Variants in DLL4 observed in about 807,000 individuals in gnomAD.
DLL4 encodes the protein delta like canonical Notch ligand 4, also known as delta-like protein 4.
Under a neutral mutation model 73.6 loss-of-function variants are expected in DLL4, and 7 were observed. The ratio of observed to expected loss-of-function variants is 0.10; its 90% CI spans 0.05 to 0.18. The LOEUF is 0.18. Ranked by LOEUF, DLL4 falls within the 10% of genes least tolerant of loss-of-function variation. The pLI, the probability that DLL4 is intolerant of heterozygous loss-of-function variation, is 1.00. For missense variants in DLL4, 614 were observed against 929.9 expected (o/e 0.66, Z 4.42); for synonymous variants, 345 against 374.3 (o/e 0.92, Z 0.90).
In DLL4 at chr15:40,929,790, G is replaced by C; in HGVS notation, c.66+56G>C. 1.2e-6 allele frequency: 2 copies of C among 1,607,088 alleles called. No homozygotes were observed. Among genetic ancestry groups the C allele is most frequent in the Non-Finnish European group, 1.7e-6 (2 of 1,179,188 alleles). ...CTGCCGCGCTCTGGGCCTCAGCCCC[G>C]GGCACCAGCTGAGCTGACCGGTCCC... On this transcript the variant is annotated intron_variant, in intron 1 of 10. Coordinates refer to ENST00000249749, the MANE Select transcript of DLL4 (RefSeq NM_019074.4). The surrounding 1 kb of genome is among the most constrained non-coding windows in gnomAD (Gnocchi z 7.1).
In DLL4 at chr15:40,930,690, G is replaced by A; in HGVS notation, c.394+8G>A. ...GAGACGACCTGCGGCCAGGTGAGTA[G>A]CTCGCTCCGCCACCACAGGGGGGCG... On this transcript the variant is annotated splice_region_variant and intron_variant, in intron 3 of 10. Coordinates refer to ENST00000249749, the MANE Select transcript of DLL4 (RefSeq NM_019074.4). The surrounding 1 kb of genome is among the most constrained non-coding windows in gnomAD (Gnocchi z 5.7). The A allele has an allele frequency of 6.2e-7, 1 of 1,613,444 alleles. No homozygotes were observed. Among genetic ancestry groups the A allele is most frequent in the Non-Finnish European group, 8.5e-7 (1 of 1,179,658 alleles).
rs528331019 is a variant in DLL4 at position 40,931,928 on chromosome 15, C to G, written c.658+162C>G. 6.6e-5 allele frequency among the ~76,000 whole-genome samples: 10 copies of G among 152,344 alleles called. No individual in the cohort carries two copies. In the East Asian group the frequency reaches 1.9e-3, roughly 29 times the overall value. Reference sequence around the variant, plus strand: ...GTGGGCTTGACCTCAGACCTCCTGTCTCTTCCCAGTGCTCCTCCCATCATG... The same window carrying G: ...GTGGGCTTGACCTCAGACCTCCTGTGTCTTCCCAGTGCTCCTCCCATCATG... On this transcript the variant is annotated intron_variant, in intron 4 of 10. Transcript: ENST00000249749.
At chr15:40,937,709 G>A (rs77276798) in intron 10 of DLL4, among the ~76,000 whole-genome samples, 183 bp downstream of exon 10, 7 of 152,310 alleles carry the variant, frequency 4.6e-5, no homozygotes, top group Admixed American at 1.3e-4. Context: ...GAACCATGGC[G>A]GCAAGCCTGG....
chr15:40,930,664 G>C lies in DLL4; in HGVS notation c.376G>C (p.Gly126Arg). The part of the protein sequence containing the change: ...SLIIEAWHAP[G>R]DDLRPEALPP... ...CATCATCGAAGCTTGGCACGCGCCAGGAGACGACCTGCGGCCAGGTGAGTA... is the reference window on the plus strand; with the variant it reads ...CATCATCGAAGCTTGGCACGCGCCACGAGACGACCTGCGGCCAGGTGAGTA... The change falls in exon 3 of 11, where the codon GGA (glycine) becomes CGA (arginine). Residue 126 changes from glycine to arginine, a missense_variant. By Grantham distance (125) the Gly-to-Arg change is moderately radical. Coordinates refer to ENST00000249749, the MANE Select transcript of DLL4 (RefSeq NM_019074.4). This position sits in a 1 kb window ranked among gnomAD's most constrained non-coding sequence, Gnocchi z 5.7. The C allele has an allele frequency of 1.2e-6, 2 of 1,613,842 alleles. No homozygotes were observed. The highest frequency in any genetic ancestry group is 1.7e-6 in the Non-Finnish European group (2 of 1,179,878).
chr15:40,929,673 C>A lies in DLL4; in HGVS notation c.5C>A (p.Ala2Glu). The A allele has an allele frequency of 6.5e-7, 1 of 1,545,778 alleles. No individual in the cohort carries two copies. The highest frequency in any genetic ancestry group is 8.6e-7 in the Non-Finnish European group (1 of 1,156,220). The change falls in exon 1 of 11, where the codon GCG becomes GAG. Residue 2 changes from alanine (A) to glutamate (E), a missense_variant. Ala to Glu is a moderately radical substitution (Grantham distance 107, BLOSUM62 -1). Around this residue, in one of 3 missense-constraint regions of DLL4, gnomAD observed 227 missense variants for 370.8 expected, o/e 0.61. Transcript: ENST00000249749. This position sits in a 1 kb window ranked among gnomAD's most constrained non-coding sequence, Gnocchi z 7.1. ...GAGAGAGCGACGCCCGAGGGGATGG[C>A]GGCAGCGTCCCGGAGCGCCTCTGGC... The part of the protein sequence containing the change: M[A>E]AASRSASGWA...
In DLL4 at chr15:40,938,059, T is replaced by C. The variant is rs1325933294; in HGVS notation, c.*25T>C. The C allele has an allele frequency of 1.3e-6, 2 of 1,544,732 alleles. No individual in the cohort carries two copies. Among genetic ancestry groups the C allele is most frequent in the Non-Finnish European group, 8.7e-7 (1 of 1,148,674 alleles). On this transcript the variant is annotated 3_prime_UTR_variant, in exon 11 of 11. Transcript: ENST00000249749. ...AGGCAGGAGCCTACCTGGACATCCC[T>C]GCTCAGCCCCGCGGCTGGACCTTCC... is the stretch of plus-strand genomic sequence containing the variant.
chr15:40,935,222 GCCCCC>G, intron 8 of DLL4, 105 bp downstream of exon 8: 1 of 1,129,738 alleles, frequency 8.9e-7, no homozygotes, highest in Admixed American at 2.2e-5. Context: ...TGCCACTCTG[GCCCCC>G]CATCTGCTCT....
At position 40,929,789 on chromosome 15, in the gene DLL4, C is replaced by T. The variant is rs115657051; in HGVS notation, c.66+55C>T. On this transcript the variant is annotated intron_variant, in intron 1 of 10. Transcript: ENST00000249749. The surrounding 1 kb of genome is among the most constrained non-coding windows in gnomAD (Gnocchi z 7.1). ...TCTGCCGCGCTCTGGGCCTCAGCCC[C>T]GGGCACCAGCTGAGCTGACCGGTCC... 1.8e-3 allele frequency: 2,871 copies of T among 1,606,916 alleles called. 77 individuals carry two copies. The African/African-American group carries it at 0.035, about 20-fold the overall frequency.
chr15:40,936,393 G>A lies in DLL4; in HGVS notation c.1406G>A (p.Gly469Asp). The change falls in exon 9 of 11, where the codon GGC becomes GAC. Residue 469 changes from glycine to aspartate, a missense_variant. This residue lies in a region of DLL4 where 386 missense variants were observed against 541.3 expected (regional missense o/e 0.71). Transcript: ENST00000249749. The stretch of plus-strand genomic sequence containing the variant: ...GGGCTCATGTGCACCTGCCCTGCCG[G>A]CTTCTCTGGCCGACGCTGTGAGGTG... Reference protein sequence around the residue: ...ENGLMCTCPAGFSGRRCEVRT... With the variant: ...ENGLMCTCPADFSGRRCEVRT... 6.2e-7 allele frequency: 1 copy of A among 1,611,736 alleles called. No homozygotes were observed. Among genetic ancestry groups the A allele is most frequent in the Non-Finnish European group, 8.5e-7 (1 of 1,179,380 alleles).
chr15:40,932,434 G>C lies in DLL4; in HGVS notation c.837G>C (p.Leu279=), dbSNP rs1188795160. The change falls in exon 6 of 11, where the codon CTG becomes CTC. Residue 279 remains leucine (L), a synonymous_variant. Transcript: ENST00000249749. The stretch of plus-strand genomic sequence containing the variant: ...CTTGTGATGAGGGCTGGGGAGGCCT[G>C]TTTTGTGACCAAGGTGAGTCAGGGT... ...QCTCDEGWGG[L]FCDQDLNYCT... 1 of 1,613,960 alleles carries C rather than the reference G, an allele frequency of 6.2e-7. No homozygotes were observed. Among genetic ancestry groups the C allele is most frequent in the Non-Finnish European group, 8.5e-7 (1 of 1,179,886 alleles).
At chr15:40,937,939 A>G in intron 10 of DLL4, 90 bp from the exon 11 acceptor site, 2 of 1,527,216 alleles carry the variant, frequency 1.3e-6, no homozygotes, top group Admixed American at 1.9e-5. Flanking sequence ...TGCCTGCCCC[A>G]TCGCCTTCTC....
Position 40,929,730 on chromosome 15 carries a change from A to T in DLL4, c.62A>T (p.Gln21Leu), listed in dbSNP as rs769078168. The T allele has an allele frequency of 6.3e-7, 1 of 1,599,224 alleles. No homozygotes were observed. Among genetic ancestry groups the T allele is most frequent in the Non-Finnish European group, 8.5e-7 (1 of 1,177,226 alleles). ...WALLLLVALW[Q>L]QRAAGSGVFQ... is the part of the protein sequence containing the mutation. ...CTACTGCTGCTGGTGGCACTTTGGC[A>T]GCAGGTAACACGTCCCGCGCCCTCT... is the stretch of plus-strand genomic sequence containing the variant. The change falls in exon 1 of 11, where the codon CAG becomes CTG. Residue 21 changes from glutamine to leucine, a missense_variant. Around this residue, in one of 3 missense-constraint regions of DLL4, gnomAD observed 227 missense variants for 370.8 expected, o/e 0.61. Coordinates refer to ENST00000249749, the MANE Select transcript of DLL4 (RefSeq NM_019074.4). The surrounding 1 kb of genome is among the most constrained non-coding windows in gnomAD (Gnocchi z 7.1).
chr15:40,932,478 G>A, intron 6 of DLL4, 31 bp downstream of exon 6: 1 of 1,612,978 alleles, frequency 6.2e-7, no homozygotes, highest in Non-Finnish European at 8.5e-7. Context: ...GGTGCAGAGG[G>A]TGCAAGAGAT....
At position 40,929,827 on chromosome 15, in the gene DLL4, C is replaced by T. The variant is rs3212277; in HGVS notation, c.67-20C>T. ...AGCTGACCGGTCCCCTCCCTCCTTC[C>T]CTCGGTCCCTGTGCAATAGCGCGCG... On this transcript the variant is annotated intron_variant, in intron 1 of 10. Coordinates refer to ENST00000249749, the MANE Select transcript of DLL4 (RefSeq NM_019074.4). This position sits in a 1 kb window ranked among gnomAD's most constrained non-coding sequence, Gnocchi z 7.1. 21,613 of 1,609,742 alleles carry T rather than the reference C, an allele frequency of 0.013. 247 individuals are homozygous for T. Among genetic ancestry groups the T allele is most frequent in the Middle Eastern group, 0.078 (473 of 6,060 alleles).
chr15:40,936,799 C>A lies in DLL4; in HGVS notation c.1812C>A (p.Asn604Lys), dbSNP rs756906139. The A allele has an allele frequency of 2.5e-6, 4 of 1,613,772 alleles. No individual in the cohort carries two copies. Residue 604 changes from asparagine to lysine, a missense_variant, in exon 9 of 11, where the codon AAC becomes AAA. Asn to Lys is a moderately conservative substitution (Grantham distance 94, BLOSUM62 0). Coordinates refer to ENST00000249749, the MANE Select transcript of DLL4 (RefSeq NM_019074.4). ...LEVDCGLDKS[N>K]CGKQQNHTLD... Reference sequence around the variant, plus strand: ...TGGACTGTGGCCTGGACAAGTCCAACTGTGGCAAACAGCAAAACCACACAT... The same window carrying A: ...TGGACTGTGGCCTGGACAAGTCCAAATGTGGCAAACAGCAAAACCACACAT...
Position 40,929,368 on chromosome 15 carries a change from C to A in DLL4, c.-301C>A. The A allele has an allele frequency of 2.4e-6, 1 of 416,030 alleles. No individual in the cohort carries two copies. Among genetic ancestry groups the A allele is most frequent in the Middle Eastern group, 6.1e-4 (1 of 1,628 alleles). The allele number at this position is 416,030 out of a possible 1,614,324, so 25.8% of individuals were successfully genotyped here. ...AGCGGCGCTGCGCGCAGGCCGGGAA[C>A]ACGAGGCCAAGAGCCGCAGCCCCAG... is the stretch of plus-strand genomic sequence containing the variant. On this transcript the variant is annotated 5_prime_UTR_variant, in exon 1 of 11. Transcript: ENST00000249749. This position sits in a 1 kb window ranked among gnomAD's most constrained non-coding sequence, Gnocchi z 7.1.
intron 4 of DLL4, among the ~76,000 whole-genome samples, 182 bp downstream of exon 4, chr15:40,931,948 A>G (rs1440635976): frequency 1.3e-5 from 2 of 152,148 alleles, no homozygotes; most frequent in African/African-American, 4.8e-5. Context: ...TGCTCCTCCC[A>G]TCATGCCAAA....
In DLL4 at chr15:40,930,014, C is replaced by T; in HGVS notation, c.234C>T (p.Thr78=). 1 of 1,612,898 alleles carries T rather than the reference C, an allele frequency of 6.2e-7. No homozygotes were observed. The highest frequency in any genetic ancestry group is 8.5e-7 in the Non-Finnish European group (1 of 1,179,670). Residue 78 remains threonine, a synonymous_variant, in exon 2 of 11, where the codon ACC becomes ACT. Coordinates refer to ENST00000249749, the MANE Select transcript of DLL4 (RefSeq NM_019074.4). The surrounding 1 kb of genome is among the most constrained non-coding windows in gnomAD (Gnocchi z 5.7). The part of the protein sequence containing the change: ...VVSPGPCTFG[T]VSTPVLGTNS... ...CGCCCGGACCCTGCACCTTCGGGAC[C>T]GTCTCCACGCCGGTATTGGGCACCA...
At chr15:40,933,491 C>T (rs538452882) in intron 6 of DLL4, among the ~76,000 whole-genome samples, 1 of 152,300 alleles carries the variant, frequency 6.6e-6, no homozygotes, top group East Asian at 1.9e-4. Flanking sequence ...AAAACAAATA[C>T]TTATATTTCA....
Sources: gnomAD v4.1 joint callset for allele counts (sites outside exome capture counted in the v4.1 genomes callset) on GRCh38, gnomAD v4.1.1 for gene constraint, gnomAD v4.1.1 regional missense constraint, Gnocchi (gnomAD v3.1) non-coding constraint, MANE v1.5 for transcripts, NCBI Gene and HGNC (gene_info 2026-07-23, HGNC 2026-07-21) for gene names.